The following CACNA1C variants were observed in gnomAD, a reference collection of about 807,000 sequenced individuals.
CACNA1C encodes the protein calcium voltage-gated channel subunit alpha1 C.
A neutral mutation model predicts 229.0 loss-of-function variants in CACNA1C; 30 were observed. The observed-to-expected ratio is 0.13, with a 90% confidence interval of 0.10 to 0.18. CACNA1C has a LOEUF of 0.18. Ranked by LOEUF, CACNA1C falls within the 10% of genes least tolerant of loss-of-function variation. The pLI, the probability that CACNA1C is intolerant of heterozygous loss-of-function variation, is 1.00. For synonymous variants in CACNA1C, 1,114 were observed against 1,132.5 expected, an observed-to-expected ratio of 0.98 and a Z score of 0.33; for missense variants, 1,658 against 2,845.0, an observed-to-expected ratio of 0.58 and a Z score of 9.49.
chr12:2,266,113 A>G (rs887934885), intron 3 of CACNA1C, among the ~76,000 whole-genome samples: 3 of 152,220 alleles, frequency 2.0e-5, no homozygotes, highest in African/African-American at 7.2e-5. Flanking sequence ...ATGAGCAGGC[A>G]TGTGGCTTGC....
chr12:2,171,975 G>T (rs898174824), intron 3 of CACNA1C, among the ~76,000 whole-genome samples: 1 of 152,184 alleles, frequency 6.6e-6, no homozygotes, highest in Non-Finnish European at 1.5e-5. Flanking sequence ...TGACCACAGG[G>T]CCCTATGGGA....
chr12:2,101,569 T>G (rs1453974578), intron 1 of CACNA1C, among the ~76,000 whole-genome samples: 1 of 151,022 alleles, frequency 6.6e-6, no homozygotes, highest in African/African-American at 2.4e-5. Flanking sequence ...GCCTCAGGAG[T>G]AGGGGCAGCC....
chr12:2,666,708 G>A lies in CACNA1C; in HGVS notation c.4549G>A (p.Val1517Met). 1.9e-6 allele frequency: 3 copies of A among 1,599,164 alleles called. No individual in the cohort carries two copies. The highest frequency in any genetic ancestry group is 2.3e-5 in the East Asian group (1 of 44,366). The change falls in exon 37 of 47, where the codon GTG (valine) becomes ATG (methionine). Residue 1517 changes from valine to methionine, a missense_variant. Physicochemically the swap from Val to Met is conservative, Grantham distance 21. Transcript: ENST00000399655. This position sits in a 1 kb window ranked among gnomAD's most constrained non-coding sequence, Gnocchi z 5.3. ...TAGGGGTCGTATCAAACACCTGGAT[G>A]TGGTGACCCTCCTCCGGCGGATTCA... ...EAKGRIKHLD[V>M]VTLLRRIQPP...
intron 1 of CACNA1C, among the ~76,000 whole-genome samples, chr12:2,075,228 C>T (rs1460034394): frequency 2.0e-5 from 3 of 152,134 alleles, no homozygotes; most frequent in Non-Finnish European, 2.9e-5. Flanking sequence ...AGACAAATAA[C>T]CATTGTTTAT....
rs557052385 is a variant in CACNA1C at position 2,551,453 on chromosome 12, A to T, written c.1481+1420A>T. ...TATCCCCATGTTTAGCCACATTCGT[A>T]CTCTGTGCATACAGAACGCTGAGTC... On this transcript the variant is annotated intron_variant, in intron 10 of 46. Transcript: ENST00000399655. Among the ~76,000 whole-genome samples, 19 of 152,272 alleles carry T rather than the reference A, an allele frequency of 1.2e-4. 1 individual carries two copies. In the South Asian group the frequency reaches 3.7e-3, roughly 30 times the overall value.
intron 1 of CACNA1C, among the ~76,000 whole-genome samples, chr12:1,979,312 ATT>A (rs1333903282): frequency 7.2e-6 from 1 of 138,830 alleles, no homozygotes; most frequent in Non-Finnish European, 1.5e-5. Flanking sequence ...CAGCGCCTGG[ATT>A]TTTTGTTTGT....
At chr12:2,135,261 C>G (rs1374757799) in intron 3 of CACNA1C, among the ~76,000 whole-genome samples, 2 of 145,416 alleles carry the variant, frequency 1.4e-5, no homozygotes, top group East Asian at 2.0e-4. Flanking sequence ...AGTGTCCTCC[C>G]GTAGCTCAGA....
intron 11 of CACNA1C, among the ~76,000 whole-genome samples, chr12:2,564,253 A>C (rs550504588): frequency 6.6e-6 from 1 of 152,236 alleles, no homozygotes; most frequent in Non-Finnish European, 1.5e-5. Context: ...TTTCCACTCT[A>C]TTCCTTTATT....
At chr12:2,276,505 C>A (rs564627965) in intron 3 of CACNA1C, among the ~76,000 whole-genome samples, 36 of 152,308 alleles carry the variant, frequency 2.4e-4, no homozygotes, top group Middle Eastern at 3.4e-3. Flanking sequence ...TCAGAGCTGA[C>A]CTGTTCAGCT....
chr12:2,115,321 C>T lies in CACNA1C; in HGVS notation c.147C>T (p.Ala49=). The change falls in exon 2 of 47, where the codon GCC becomes GCT. Residue 49 remains alanine, a synonymous_variant. Transcript: ENST00000399655. Reference sequence around the variant, plus strand: ...AGCACATCCCCACCCCGGGGGCTGCCCTGTCGTGGCAGGCGGCCATCGACG... The same window carrying T: ...AGCACATCCCCACCCCGGGGGCTGCTCTGTCGTGGCAGGCGGCCATCGACG... ...APEHIPTPGA[A]LSWQAAIDAA... 2 of 1,595,614 alleles carry T rather than the reference C, an allele frequency of 1.3e-6. No individual in the cohort carries two copies. The highest frequency in any genetic ancestry group is 2.3e-5 in the South Asian group (2 of 88,844).
intron 4 of CACNA1C, among the ~76,000 whole-genome samples, chr12:2,449,621 G>A (rs146920353): frequency 3.3e-5 from 5 of 152,224 alleles, no homozygotes; most frequent in African/African-American, 1.2e-4. Context: ...CTTCCCCAGA[G>A]GGACAGGGGC....
intron 2 of CACNA1C, among the ~76,000 whole-genome samples, chr12:2,117,188 T>G (rs1002250596): frequency 5.9e-5 from 9 of 152,198 alleles, no homozygotes; most frequent in African/African-American, 2.2e-4. Context: ...AGAGAATTGC[T>G]TGAACTCGGG....
chr12:2,554,261 G>T (rs1402020352), intron 10 of CACNA1C, among the ~76,000 whole-genome samples: 1 of 152,186 alleles, frequency 6.6e-6, no homozygotes, highest in African/African-American at 2.4e-5. Flanking sequence ...CTCCCAGAAG[G>T]TTTGTCTTGG....
At chr12:2,138,094 T>TG (rs540986204) in intron 3 of CACNA1C, among the ~76,000 whole-genome samples, 1 of 151,378 alleles carries the variant, frequency 6.6e-6, no homozygotes, top group African/African-American at 2.4e-5. Flanking sequence ...GCAGAAATAG[T>TG]GGGAAAACCC....
At chr12:2,307,089 C>A (rs1453118754) in intron 3 of CACNA1C, among the ~76,000 whole-genome samples, 1 of 152,196 alleles carries the variant, frequency 6.6e-6, no homozygotes, top group African/African-American at 2.4e-5. Context: ...CTTCACACCT[C>A]TTCTTGGGCC....
At chr12:2,511,571 TACACACAC>T (rs35169529) in intron 8 of CACNA1C, among the ~76,000 whole-genome samples, 1 of 149,902 alleles carries the variant, frequency 6.7e-6, no homozygotes, top group Admixed American at 6.7e-5. Context: ...CCTATGCATG[TACACACAC>T]ACACACACAC....
rs541785053 is a variant in CACNA1C, at chr12:2,056,755, T to C, written c.49+3144T>C. ...GGAGAAAACTGGAGGAAAGGGGCTA[T>C]TGGAGTTCATCATATTATTCCTACT... On this transcript the variant is annotated intron_variant, in intron 1 of 46. Coordinates refer to ENST00000399655, the MANE Select transcript of CACNA1C (RefSeq NM_000719.7). Among the ~76,000 whole-genome samples, 123 of 152,320 alleles carry C rather than the reference T, an allele frequency of 8.1e-4. 1 individual carries two copies. The South Asian group carries it at 0.015, about 18-fold the overall frequency.
chr12:2,629,651 G>T (rs1293055993), intron 29 of CACNA1C, among the ~76,000 whole-genome samples: 1 of 152,208 alleles, frequency 6.6e-6, no homozygotes, highest in Non-Finnish European at 1.5e-5. Flanking sequence ...TCTGAATCCA[G>T]ATCTGCCTCC....
At chr12:2,544,759 G>T (rs1481414967) in intron 9 of CACNA1C, among the ~76,000 whole-genome samples, 1 of 152,210 alleles carries the variant, frequency 6.6e-6, no homozygotes, top group African/African-American at 2.4e-5. Context: ...AGTGGTAGTT[G>T]GTTGGCGAGA....
Sources: gnomAD v4.1 joint callset for allele counts (sites outside exome capture counted in the v4.1 genomes callset) on GRCh38, gnomAD v4.1.1 for gene constraint, Gnocchi (gnomAD v3.1) non-coding constraint, MANE v1.5 for transcripts, NCBI Gene and HGNC (gene_info 2026-07-23, HGNC 2026-07-21) for gene names.